The following ANKFN1 variants were observed in gnomAD, a reference collection of about 807,000 sequenced individuals.
The protein encoded by ANKFN1 is ankyrin repeat and fibronectin type III domain containing 1, also known as ankyrin repeat and fibronectin type-III domain-containing protein 1.
ANKFN1 carries 74 observed loss-of-function variants against 108.7 expected under a neutral mutation model. That is an observed-to-expected ratio of 0.68 (90% CI 0.56 to 0.83). The LOEUF (loss-of-function observed/expected upper bound fraction) is 0.83. ANKFN1 is among the 40% of genes least tolerant of loss of function. The probability of loss-of-function intolerance (pLI) is 0.00; values close to 1 mark genes in which losing one functional copy is unlikely to be tolerated. For synonymous variants in ANKFN1, 547 were observed against 516.2 expected (o/e 1.06, Z -0.81); for missense variants, 1,505 against 1,382.3 (o/e 1.09, Z -1.41).
intron 20 of ANKFN1, 93 bp from the exon 21 acceptor site, chr17:56,510,380 C>A: frequency 9.3e-7 from 1 of 1,076,854 alleles, no homozygotes; most frequent in Non-Finnish European, 1.3e-6. Context: ...CAGGCCCCTT[C>A]TAAGTGCGGG....
At chr17:56,448,116 C>T (rs560001278) in intron 10 of ANKFN1, among the ~76,000 whole-genome samples, 1 of 152,118 alleles carries the variant, frequency 6.6e-6, no homozygotes, top group Admixed American at 6.5e-5. Context: ...CACTCATGAA[C>T]TAACTGGCTT....
At chr17:56,415,950 A>G (rs968611722) in intron 8 of ANKFN1, among the ~76,000 whole-genome samples, 38 of 152,166 alleles carry the variant, frequency 2.5e-4, no homozygotes, top group African/African-American at 8.7e-4. Context: ...AAAGCCAAGA[A>G]CGTACATTGG....
At chr17:56,481,393 T>G (rs949339977) in intron 17 of ANKFN1, among the ~76,000 whole-genome samples, 5 of 152,058 alleles carry the variant, frequency 3.3e-5, no homozygotes, top group Admixed American at 3.3e-4. Flanking sequence ...ATAGTAAAAC[T>G]TTTTTAGGCT....
chr17:56,474,235 C>G (rs1402619136), intron 15 of ANKFN1, among the ~76,000 whole-genome samples: 1 of 152,190 alleles, frequency 6.6e-6, no homozygotes, highest in Non-Finnish European at 1.5e-5. Context: ...TATTTATTCA[C>G]CATCTCCATT....
chr17:56,399,622 C>T (rs954714292), intron 8 of ANKFN1, among the ~76,000 whole-genome samples: 3 of 151,740 alleles, frequency 2.0e-5, no homozygotes, highest in African/African-American at 4.8e-5. Context: ...TCTTGTCCCT[C>T]GCCCCTCTCC....
chr17:56,454,860 G>A lies in ANKFN1; in HGVS notation c.1208-2001G>A, dbSNP rs62072893. ...AACACTACCTGATGTCTCCCACTCC[G>A]GAGATGTATGTTGTTGTTGTTTTGG... On this transcript the variant is annotated intron_variant, in intron 11 of 20. Transcript: ENST00000682825. Among the ~76,000 whole-genome samples, 17 of 152,206 alleles carry A rather than the reference G, an allele frequency of 1.1e-4. No individual in the cohort carries two copies. The South Asian group carries it at 1.7e-3, about 15-fold the overall frequency.
rs74871726 is a variant in ANKFN1, at chr17:56,099,479, A to G, written c.288+53154A>G. On this transcript the variant is annotated intron_variant, in intron 4 of 12. Transcript: ENST00000635860. Reference sequence around the variant, plus strand: ...TCTTCCAAGGGTGTTCAACACCTTTAGATTCTTCTAAGGATGTTCAACACG... The same window carrying G: ...TCTTCCAAGGGTGTTCAACACCTTTGGATTCTTCTAAGGATGTTCAACACG... Among the ~76,000 whole-genome samples, 302 of 152,286 alleles carry G rather than the reference A, an allele frequency of 2.0e-3. 2 individuals carry two copies. Among genetic ancestry groups the G allele is most frequent in the African/African-American group, 6.8e-3 (282 of 41,552 alleles).
chr17:56,253,251 A>G (rs1017547519), intron 3 of ANKFN1, among the ~76,000 whole-genome samples: 6 of 152,218 alleles, frequency 3.9e-5, no homozygotes, highest in African/African-American at 1.4e-4. Context: ...TTTGGTTGGC[A>G]TCAAATCAAA....
At chr17:56,411,190 A>T (rs935570198) in intron 8 of ANKFN1, among the ~76,000 whole-genome samples, 1 of 152,108 alleles carries the variant, frequency 6.6e-6, no homozygotes, top group Non-Finnish European at 1.5e-5. Context: ...TCACTGTTTT[A>T]TAGTTTTCAG....
intron 6 of ANKFN1, among the ~76,000 whole-genome samples, chr17:56,358,370 A>G (rs1188578827): frequency 2.0e-5 from 3 of 152,090 alleles, no homozygotes; most frequent in Non-Finnish European, 2.9e-5. Context: ...CCTGTCTTCT[A>G]TCTTGAACCC....
At chr17:56,419,483 CAA>C (rs111608193) in intron 8 of ANKFN1, among the ~76,000 whole-genome samples, 27 of 118,644 alleles carry the variant, frequency 2.3e-4, no homozygotes, top group South Asian at 2.7e-4. Flanking sequence ...AACTCCATCT[CAA>C]AAAAAAAAAA....
intron 1 of ANKFN1, among the ~76,000 whole-genome samples, chr17:56,167,312 C>A (rs971514871): frequency 2.1e-3 from 151 of 72,868 alleles, no homozygotes; most frequent in African/African-American, 9.5e-3. Context: ...TATACACACA[C>A]ACACACATAT....
chr17:56,402,928 T>C (rs2047806439), intron 8 of ANKFN1, among the ~76,000 whole-genome samples: 1 of 152,142 alleles, frequency 6.6e-6, no homozygotes, highest in African/African-American at 2.4e-5. Flanking sequence ...GTTCAAATAA[T>C]GTTTTAATTT....
intron 1 of ANKFN1, among the ~76,000 whole-genome samples, chr17:56,169,074 A>G (rs1482281991): frequency 6.6e-6 from 1 of 152,106 alleles, no homozygotes; most frequent in Non-Finnish European, 1.5e-5. Context: ...CGGGGAAAAC[A>G]ATGGTCTTTA....
chr17:56,049,671 C>A (rs9905512), intron 4 of ANKFN1, among the ~76,000 whole-genome samples: 1 of 148,464 alleles, frequency 6.7e-6, no homozygotes, highest in African/African-American at 2.6e-5. Flanking sequence ...GATAGTTTAC[C>A]GAGAATGATG....
chr17:56,152,695 T>C (rs1908733451), upstream of ANKFN1, among the ~76,000 whole-genome samples: 1 of 152,194 alleles, frequency 6.6e-6, no homozygotes, highest in Non-Finnish European at 1.5e-5. Flanking sequence ...ACATCTACAC[T>C]GTGCCAGGCA....
intron 15 of ANKFN1, among the ~76,000 whole-genome samples, chr17:56,466,849 G>C (rs922725367): frequency 1.3e-5 from 2 of 152,198 alleles, no homozygotes; most frequent in African/African-American, 2.4e-5. Flanking sequence ...GCTCATGCCT[G>C]TAATCCCAAC....
chr17:56,199,843 T>A (rs60529676), intron 1 of ANKFN1, among the ~76,000 whole-genome samples: 47,632 of 152,120 alleles, frequency 0.31, 9,037 homozygotes, highest in East Asian at 0.51. Flanking sequence ...AAATTTAGAT[T>A]TCACTGGGAA....
At chr17:56,449,347 T>C (rs181505291) in intron 11 of ANKFN1, among the ~76,000 whole-genome samples, 161 bp downstream of exon 11, 1 of 152,162 alleles carries the variant, frequency 6.6e-6, no homozygotes, top group East Asian at 1.9e-4. Context: ...GCTTTAACCC[T>C]TCAGAAGAGA....
Sources: gnomAD v4.1 joint callset for allele counts (sites outside exome capture counted in the v4.1 genomes callset) on GRCh38, gnomAD v4.1.1 for gene constraint, MANE v1.5 for transcripts, NCBI Gene and HGNC (gene_info 2026-07-23, HGNC 2026-07-21) for gene names.